PLEKHA5: variants seen among roughly 807,000 people sequenced by gnomAD.
PLEKHA5 encodes pleckstrin homology domain containing A5.
PLEKHA5 carries 55 observed loss-of-function variants against 181.9 expected under a neutral mutation model. That is an observed-to-expected ratio of 0.30 (90% CI 0.24 to 0.38). PLEKHA5 has a LOEUF of 0.38. Among genes scored for constraint, PLEKHA5 ranks in the 10% least tolerant of loss-of-function variants. The pLI, the probability that PLEKHA5 is intolerant of heterozygous loss-of-function variation, is 1.00. For missense variants in PLEKHA5, 1,432 were observed against 1,549.5 expected (o/e 0.92, Z 1.27); for synonymous variants, 535 against 529.4 (o/e 1.01, Z -0.15).
At position 19,249,361 on chromosome 12, in the gene PLEKHA5, C is replaced by G. The variant is rs1045631986; in HGVS notation, c.228-4579C>G. On this transcript the variant is annotated intron_variant, in intron 3 of 31. Transcript: ENST00000429027. ...GAGAACCAAGCCAACTACTAAGTAA[C>G]TAACGGGGCAGGTTGCATCGACAGT... is the stretch of plus-strand genomic sequence containing the variant. Among the ~76,000 whole-genome samples the G allele has an allele frequency of 4.1e-4, 62 of 152,104 alleles. 1 individual carries two copies. The highest frequency in any genetic ancestry group is 1.0e-4 in the Non-Finnish European group (7 of 68,036).
At position 19,255,118 on chromosome 12, in the gene PLEKHA5, A is replaced by C. The variant is rs2066502089; in HGVS notation, c.385A>C (p.Asn129His). The C allele has an allele frequency of 6.2e-7, 1 of 1,609,432 alleles. No homozygotes were observed. Among genetic ancestry groups the C allele is most frequent in the Non-Finnish European group, 8.5e-7 (1 of 1,176,646 alleles). Residue 129 changes from asparagine (N) to histidine (H), a missense_variant, in exon 5 of 32, where the codon AAC (asparagine) becomes CAC (histidine). Asn to His is a moderately conservative substitution (Grantham distance 68, BLOSUM62 1). Around this residue, in one of 2 missense-constraint regions of PLEKHA5, gnomAD observed 289 missense variants for 381.1 expected, o/e 0.76. Transcript: ENST00000429027. Reference sequence around the variant, plus strand: ...TATGATAAATGAAGCTTCTAACTATAACGTGACTTCAGATTATGCAGTGCA... The same window carrying C: ...TATGATAAATGAAGCTTCTAACTATCACGTGACTTCAGATTATGCAGTGCA... ...ISMINEASNY[N>H]VTSDYAVHPM...
chr12:19,141,122 T>C (rs1196215218), intron 3 of PLEKHA5, among the ~76,000 whole-genome samples: 2 of 151,706 alleles, frequency 1.3e-5, no homozygotes, highest in Non-Finnish European at 2.9e-5. Flanking sequence ...ATTTCAAGAG[T>C]GATGCAAGTA....
rs1287369556 is a variant in PLEKHA5 at position 19,130,156 on chromosome 12, G to T, written c.169+26G>T. 6.8e-7 allele frequency: 1 copy of T among 1,480,990 alleles called. No individual in the cohort carries two copies. The highest frequency in any genetic ancestry group is 1.4e-5 in the African/African-American group (1 of 69,030). 91.7% of individuals were successfully genotyped at this position (1,480,990 alleles called of 1,614,324 possible). Reference sequence around the variant, plus strand: ...GTAACGCCGGGCCCAAACGGAGTTGGGCTCCGCCTGGAGGAGGCGGCAGAG... The same window carrying T: ...GTAACGCCGGGCCCAAACGGAGTTGTGCTCCGCCTGGAGGAGGCGGCAGAG... On this transcript the variant is annotated intron_variant, in intron 2 of 31. Coordinates refer to ENST00000429027, the MANE Select transcript of PLEKHA5 (RefSeq NM_001256470.2). This position sits in a 1 kb window ranked among gnomAD's most constrained non-coding sequence, Gnocchi z 4.5.
At chr12:19,269,651 G>T in intron 8 of PLEKHA5, 119 bp from the exon 9 acceptor site, 1 of 547,954 alleles carries the variant, frequency 1.8e-6, no homozygotes, top group Non-Finnish European at 3.3e-6. Flanking sequence ...TAAAAGATAA[G>T]TCTACTTTCT....
At chr12:19,267,494 T>C (rs1252775891) in intron 8 of PLEKHA5, among the ~76,000 whole-genome samples, 1 of 151,448 alleles carries the variant, frequency 6.6e-6, no homozygotes, top group Admixed American at 6.6e-5. Context: ...ACCTCGTCTG[T>C]ACTAAAAATA....
chr12:19,325,991 G>A (rs533951554), intron 20 of PLEKHA5, among the ~76,000 whole-genome samples: 64 of 152,050 alleles, frequency 4.2e-4, no homozygotes, highest in African/African-American at 1.5e-3. Context: ...TGGGCAACAA[G>A]AGTGAAACTC....
chr12:19,283,825 G>T, intron 12 of PLEKHA5, 80 bp downstream of exon 12: 1 of 856,914 alleles, frequency 1.2e-6, no homozygotes, highest in South Asian at 1.7e-5. Context: ...TTTTAAATGT[G>T]AGAGACAAAA....
chr12:19,271,981 T>C (rs2072985320), intron 10 of PLEKHA5, among the ~76,000 whole-genome samples: 2 of 152,222 alleles, frequency 1.3e-5, no homozygotes, highest in Admixed American at 1.3e-4. Context: ...GTTTGCTTGG[T>C]TTTAAGCTAA....
intron 3 of PLEKHA5, among the ~76,000 whole-genome samples, chr12:19,140,594 A>G (rs781575838): frequency 6.6e-6 from 1 of 152,188 alleles, no homozygotes; most frequent in Non-Finnish European, 1.5e-5. Flanking sequence ...AGCCACCTTT[A>G]TGCTTCCAGT....
At chr12:19,324,481 A>G (rs1042860480) in intron 20 of PLEKHA5, among the ~76,000 whole-genome samples, 3 of 152,168 alleles carry the variant, frequency 2.0e-5, no homozygotes, top group African/African-American at 7.2e-5. Flanking sequence ...GACTTACCCA[A>G]GGTTACAAAG....
rs575972939 is a variant in PLEKHA5, at chr12:19,185,953, T to C, written c.227+53503T>C. On this transcript the variant is annotated intron_variant, in intron 3 of 31. Transcript: ENST00000429027. ...TAACACATTTATCTTCTTCAGTCTC[T>C]TTCATAAGAATATCCTTTGTGAAAT... Among the ~76,000 whole-genome samples the C allele has an allele frequency of 2.6e-5, 4 of 152,340 alleles. No individual in the cohort carries two copies. The East Asian group carries it at 5.8e-4, about 22-fold the overall frequency.
At chr12:19,346,885 C>T in intron 23 of PLEKHA5, 109 bp from the exon 24 acceptor site, 2 of 684,768 alleles carry the variant, frequency 2.9e-6, no homozygotes, top group South Asian at 4.0e-5. Flanking sequence ...TGGCAGTGTC[C>T]CTTTTAGTAT....
intron 3 of PLEKHA5, among the ~76,000 whole-genome samples, chr12:19,241,719 T>C (rs2062643862): frequency 6.6e-6 from 1 of 150,720 alleles, no homozygotes. Context: ...ATCACACCAC[T>C]GTACTCCAGC....
intron 3 of PLEKHA5, among the ~76,000 whole-genome samples, chr12:19,222,633 A>C (rs148245345): frequency 6.6e-6 from 1 of 152,166 alleles, no homozygotes; most frequent in African/African-American, 2.4e-5. Flanking sequence ...CGGAGAAAAT[A>C]TGTGTTTGAG....
At chr12:19,206,629 C>T (rs1490909834) in intron 3 of PLEKHA5, among the ~76,000 whole-genome samples, 1 of 152,004 alleles carries the variant, frequency 6.6e-6, no homozygotes, top group East Asian at 1.9e-4. Context: ...CCTTCAAATG[C>T]CAGGCAATTA....
intron 25 of PLEKHA5, among the ~76,000 whole-genome samples, chr12:19,352,391 A>C (rs2153222843): frequency 6.6e-6 from 1 of 152,088 alleles, no homozygotes; most frequent in Non-Finnish European, 1.5e-5. Context: ...TCTCAAAAAA[A>C]AAAAAGAAAA....
At chr12:19,134,457 T>C (rs2034999718) in intron 3 of PLEKHA5, among the ~76,000 whole-genome samples, 1 of 152,052 alleles carries the variant, frequency 6.6e-6, no homozygotes, top group Admixed American at 6.6e-5. Context: ...TTGAGCATAG[T>C]GTTGCATATC....
chr12:19,172,947 A>C (rs898952317), intron 3 of PLEKHA5, among the ~76,000 whole-genome samples: 6 of 115,148 alleles, frequency 5.2e-5, no homozygotes, highest in African/African-American at 1.8e-4. Flanking sequence ...TCTGAGCAAT[A>C]GAATGGGAAA....
At chr12:19,338,745 T>G (rs568730191) in intron 21 of PLEKHA5, among the ~76,000 whole-genome samples, 13 of 150,982 alleles carry the variant, frequency 8.6e-5, no homozygotes, top group African/African-American at 2.9e-4. Context: ...GCTACAATAA[T>G]CAGCTACAGG....
Sources: gnomAD v4.1 joint callset for allele counts (sites outside exome capture counted in the v4.1 genomes callset) on GRCh38, gnomAD v4.1.1 for gene constraint, gnomAD v4.1.1 regional missense constraint, Gnocchi (gnomAD v3.1) non-coding constraint, MANE v1.5 for transcripts, NCBI Gene and HGNC (gene_info 2026-07-23, HGNC 2026-07-21) for gene names.